The following RPL22 variants were observed in gnomAD, a reference collection of about 807,000 sequenced individuals.
RPL22 encodes the protein ribosomal protein L22, also known as large ribosomal subunit protein eL22.
In RPL22, 4 loss-of-function variants were observed where a neutral mutation model predicts 16.2. The ratio of observed to expected loss-of-function variants is 0.25; its 90% CI spans 0.12 to 0.57. The LOEUF (loss-of-function observed/expected upper bound fraction) is 0.57. Ranked by LOEUF, RPL22 falls within the 20% of genes least tolerant of loss-of-function variation. The pLI is 0.92. For missense variants in RPL22, 83 were observed against 156.1 expected (o/e 0.53, Z 2.49); for synonymous variants, 43 against 54.8 (o/e 0.78, Z 0.95).
At chr1:6,189,613 A>AAAAAAACAAAAC (rs1491222959) in intron 3 of RPL22, among the ~76,000 whole-genome samples, 3 of 97,522 alleles carry the variant, frequency 3.1e-5, no homozygotes, top group African/African-American at 2.3e-4. Context: ...AAATCAGGTT[A>AAAAAAACAAAAC]AAAAAAAAAA....
At chr1:6,186,929 CA>C in intron 3 of RPL22, 113 bp from the exon 4 acceptor site, 1 of 1,512,206 alleles carries the variant, frequency 6.6e-7, no homozygotes, top group Non-Finnish European at 9.0e-7. Context: ...GGTGTTTTCC[CA>C]AGCCTCAAAA....
In RPL22 at chr1:6,186,219, G is replaced by A. The variant is rs2100899987; in HGVS notation, c.*453C>T. ...ATCAAAAAATGAAAGTAAGACGAAT[G>A]GCCCAGAAACCCGCATTTTATTGAC... On this transcript the variant is annotated 3_prime_UTR_variant, in exon 4 of 4. Coordinates refer to ENST00000234875, the MANE Select transcript of RPL22 (RefSeq NM_000983.4). The A allele has an allele frequency of 8.4e-6, 2 of 237,596 alleles. No homozygotes were observed. Among genetic ancestry groups the A allele is most frequent in the South Asian group, 1.7e-4 (1 of 5,738 alleles). The allele number at this position is 237,596 out of a possible 1,614,324, so 14.7% of individuals were successfully genotyped here. A position where few individuals can be genotyped will look rare whatever the true frequency, so the allele number is the denominator to read the frequency against.
intron 1 of RPL22, 71 bp downstream of exon 1, chr1:6,199,491 G>T: frequency 6.5e-7 from 1 of 1,540,850 alleles, no homozygotes; most frequent in Non-Finnish European, 8.8e-7. Flanking sequence ...AGCGAGCCTG[G>T]GTAGATGCCG....
intron 2 of RPL22, among the ~76,000 whole-genome samples, chr1:6,193,893 TAGA>T (rs1667684147): frequency 6.6e-6 from 1 of 152,166 alleles, no homozygotes; most frequent in Non-Finnish European, 1.5e-5. Flanking sequence ...ACGAAAGGCT[TAGA>T]AGGACAACAC....
At chr1:6,198,664 A>G (rs546955047) in intron 1 of RPL22, 16 of 152,364 alleles carry the variant, frequency 1.1e-4, no homozygotes, top group Admixed American at 3.3e-4. Flanking sequence ...CTTTTCAAAC[A>G]TTTGGCCACT....
In RPL22 at chr1:6,197,951, C is replaced by T. The variant is rs1027906834; in HGVS notation, c.13-195G>A. On this transcript the variant is annotated intron_variant, in intron 1 of 3. Coordinates refer to ENST00000234875, the MANE Select transcript of RPL22 (RefSeq NM_000983.4). ...GTATAATGGGGCAGATGCTGCTGTACAAGCTTGGGGCCTGGGGTCATGCCC... is the reference window on the plus strand; with the variant it reads ...GTATAATGGGGCAGATGCTGCTGTATAAGCTTGGGGCCTGGGGTCATGCCC... 9 of 603,182 alleles carry T rather than the reference C, an allele frequency of 1.5e-5. No homozygotes were observed. The South Asian group carries it at 1.8e-4, about 12-fold the overall frequency. The allele number at this position is 603,182 out of a possible 1,614,324, so 37.4% of individuals were successfully genotyped here.
chr1:6,196,547 A>G (rs1451560427), intron 2 of RPL22, among the ~76,000 whole-genome samples: 2 of 152,200 alleles, frequency 1.3e-5, no homozygotes, highest in Non-Finnish European at 2.9e-5. Context: ...CAATAGTTCA[A>G]CCTTCTGGAG....
rs569365504 is a variant in RPL22, at chr1:6,185,990, C to G, written c.*682G>C. ...TTCCTACAGCTCCCTCTGCTGGAGA[C>G]GAAAGTGACAGTTTGTTGCAAAGAC... On this transcript the variant is annotated 3_prime_UTR_variant, in exon 4 of 4. Transcript: ENST00000234875. 4.3e-6 allele frequency: 1 copy of G among 230,014 alleles called. No individual in the cohort carries two copies. The highest frequency in any genetic ancestry group is 8.6e-6 in the Non-Finnish European group (1 of 116,048). The allele number at this position is 230,014 out of a possible 1,614,324, so 14.2% of individuals were successfully genotyped here.
intron 2 of RPL22, 28 bp downstream of exon 2, chr1:6,197,624 C>T (rs758248955): frequency 2.0e-6 from 3 of 1,469,552 alleles, no homozygotes; most frequent in Non-Finnish European, 2.9e-6. Flanking sequence ...TTCGTGACCA[C>T]CCGAGTGGCA....
chr1:6,186,326 C>T lies in RPL22; in HGVS notation c.*346G>A, dbSNP rs1311410602. The T allele has an allele frequency of 3.7e-6, 1 of 266,700 alleles. No individual in the cohort carries two copies. Among genetic ancestry groups the T allele is most frequent in the Non-Finnish European group, 7.1e-6 (1 of 140,666 alleles). 16.5% of individuals were successfully genotyped at this position (266,700 alleles called of 1,614,324 possible). ...GAGAAGCCCATTTGTATCCCTGAAT[C>T]ATTGAGAAAAGCAACAGATACAACT... On this transcript the variant is annotated 3_prime_UTR_variant, in exon 4 of 4. Transcript: ENST00000234875.
In RPL22 at chr1:6,194,006, G is replaced by A. The variant is rs564716899; in HGVS notation, c.118-952C>T. ...GGATCTCCTGAGCTCAGGAATTTGA[G>A]ACCAGGCTAGGCAACATGGCGAAAC... is the stretch of plus-strand genomic sequence containing the variant. On this transcript the variant is annotated intron_variant, in intron 2 of 3. Coordinates refer to ENST00000234875, the MANE Select transcript of RPL22 (RefSeq NM_000983.4). 8.6e-4 allele frequency among the ~76,000 whole-genome samples: 131 copies of A among 151,924 alleles called. 4 individuals carry two copies. In the South Asian group the frequency reaches 0.017, roughly 19 times the overall value.
intron 2 of RPL22, among the ~76,000 whole-genome samples, chr1:6,195,384 G>C (rs377622568): frequency 2.0e-5 from 3 of 149,388 alleles, no homozygotes; most frequent in East Asian, 2.0e-4. Context: ...GGCGGAGCTT[G>C]CAGTGAGCCG....
chr1:6,193,323 A>AC (rs1553145966), intron 2 of RPL22, among the ~76,000 whole-genome samples: 1 of 133,108 alleles, frequency 7.5e-6, no homozygotes, highest in Non-Finnish European at 1.6e-5. Context: ...TGACTTTACA[A>AC]TTTTTTTTTT....
intron 1 of RPL22, chr1:6,198,006 T>C: frequency 3.9e-6 from 2 of 515,298 alleles, no homozygotes; most frequent in Admixed American, 3.5e-5. Flanking sequence ...CTAGCACTCT[T>C]GACTCACTCA....
At position 6,185,336 on chromosome 1, in the gene RPL22, T is replaced by C. The variant is rs1667570322; in HGVS notation, c.*1336A>G. 1 of 398,956 alleles carries C rather than the reference T, an allele frequency of 2.5e-6. No homozygotes were observed. The highest frequency in any genetic ancestry group is 4.4e-5 in the Admixed American group (1 of 22,726). The allele number at this position is 398,956 out of a possible 1,614,324, so 24.7% of individuals were successfully genotyped here. On this transcript the variant is annotated 3_prime_UTR_variant, in exon 4 of 4. Coordinates refer to ENST00000234875, the MANE Select transcript of RPL22 (RefSeq NM_000983.4). ...GAGCAACTGATGCCTCAGTGAAGTT[T>C]GAAAGAAACTCTGCTTTCTGTGACG...
At chr1:6,199,460 A>ACGCTGCAGGG (rs1553146403) in intron 1 of RPL22, 102 bp downstream of exon 1, 1 of 1,492,844 alleles carries the variant, frequency 6.7e-7, no homozygotes, top group Non-Finnish European at 9.0e-7. Context: ...CCCCAGCAGG[A>ACGCTGCAGGG]CGCTGCAGGG....
chr1:6,186,581 A>G lies in RPL22; in HGVS notation c.*91T>C. 4 of 834,372 alleles carry G rather than the reference A, an allele frequency of 4.8e-6. No homozygotes were observed. The highest frequency in any genetic ancestry group is 7.2e-6 in the Non-Finnish European group (4 of 555,530). The allele number at this position is 834,372 out of a possible 1,614,324, so 51.7% of individuals were successfully genotyped here. The stretch of plus-strand genomic sequence containing the variant: ...ACTATGATTTCCAATTTTCTGTTCA[A>G]TCCACACTGCAGAGATACAAGGATA... On this transcript the variant is annotated 3_prime_UTR_variant, in exon 4 of 4. Coordinates refer to ENST00000234875, the MANE Select transcript of RPL22 (RefSeq NM_000983.4).
chr1:6,194,873 C>A (rs1169637523), intron 2 of RPL22, among the ~76,000 whole-genome samples: 1 of 152,044 alleles, frequency 6.6e-6, no homozygotes, highest in African/African-American at 2.4e-5. Context: ...GGACAACAGA[C>A]CCTTTCTCAA....
chr1:6,192,631 G>A (rs1158805266), intron 3 of RPL22, among the ~76,000 whole-genome samples: 3 of 152,090 alleles, frequency 2.0e-5, no homozygotes, highest in East Asian at 1.9e-4. Context: ...CCCAGGAGGC[G>A]GAGGCTGCAG....
Sources: allele counts gnomAD v4.1 joint callset (sites outside exome capture counted in the v4.1 genomes callset), GRCh38; gene constraint gnomAD v4.1.1; transcripts MANE v1.5; gene names NCBI Gene and HGNC (gene_info 2026-07-23, HGNC 2026-07-21).